Variants in RIN2 observed in about 807,000 individuals in gnomAD.
RIN2 encodes RAB5 interacting protein 2.
A neutral mutation model predicts 78.0 loss-of-function variants in RIN2; 36 were observed. That is an observed-to-expected ratio of 0.46 (90% CI 0.35 to 0.61). RIN2 has a LOEUF of 0.61. Among genes scored for constraint, RIN2 ranks in the 20% least tolerant of loss-of-function variants. The pLI, the probability that RIN2 is intolerant of heterozygous loss-of-function variation, is 0.00. For missense variants in RIN2, 1,087 were observed against 1,159.7 expected, an observed-to-expected ratio of 0.94 and a Z score of 0.91; for synonymous variants, 466 against 466.8, an observed-to-expected ratio of 1.00 and a Z score of 0.02.
chr20:19,934,692 T>C, intron 3 of RIN2: 10 of 791,336 alleles, frequency 1.3e-5, no homozygotes, highest in Non-Finnish European at 1.5e-5. Context: ...TTTCAGTCCT[T>C]CAAAGGGGGT....
At chr20:19,930,769 C>T (rs1426374074) in intron 3 of RIN2, among the ~76,000 whole-genome samples, 3 of 152,174 alleles carry the variant, frequency 2.0e-5, no homozygotes, top group African/African-American at 7.2e-5. Context: ...CCCCTCAACC[C>T]CTTCCTTGCT....
At chr20:19,806,290 C>T (rs191084925) in intron 2 of RIN2, among the ~76,000 whole-genome samples, 122 of 152,258 alleles carry the variant, frequency 8.0e-4, no homozygotes, top group African/African-American at 2.8e-3. Context: ...CTTGAGGAAT[C>T]GCCCCAGTGT....
chr20:19,848,684 G>A (rs2123159274), intron 2 of RIN2, among the ~76,000 whole-genome samples: 1 of 150,938 alleles, frequency 6.6e-6, no homozygotes, highest in South Asian at 2.1e-4. Flanking sequence ...ACAGTACATA[G>A]CAGTTATTTA....
chr20:19,818,822 A>G (rs2035848767), intron 2 of RIN2, among the ~76,000 whole-genome samples: 1 of 152,240 alleles, frequency 6.6e-6, no homozygotes, highest in South Asian at 2.1e-4. Flanking sequence ...AACATTGTTT[A>G]AAATATCAAA....
At chr20:19,862,507 C>T (rs1194706693) in intron 2 of RIN2, among the ~76,000 whole-genome samples, 1 of 152,110 alleles carries the variant, frequency 6.6e-6, no homozygotes, top group Non-Finnish European at 1.5e-5. Flanking sequence ...GCAGGAGAAT[C>T]GCTTAAACTC....
chr20:19,761,700 C>T (rs1349288323), intron 1 of RIN2, among the ~76,000 whole-genome samples: 1 of 152,168 alleles, frequency 6.6e-6, no homozygotes, highest in Non-Finnish European at 1.5e-5. Flanking sequence ...ATAATCCACC[C>T]TTGTCAATTT....
At chr20:19,999,528 T>G (rs1440288253) in intron 12 of RIN2, among the ~76,000 whole-genome samples, 1 of 152,194 alleles carries the variant, frequency 6.6e-6, no homozygotes, top group Admixed American at 6.5e-5. Flanking sequence ...GTTGCCAGAT[T>G]TAGCAGAAAA....
chr20:19,899,027 G>A (rs544476898), intron 3 of RIN2, among the ~76,000 whole-genome samples: 43 of 152,204 alleles, frequency 2.8e-4, no homozygotes, highest in African/African-American at 7.9e-4. Flanking sequence ...GAAAAAACAC[G>A]CCCCACCTTT....
At chr20:19,979,792 C>T (rs554623295) in intron 9 of RIN2, among the ~76,000 whole-genome samples, 1 of 152,098 alleles carries the variant, frequency 6.6e-6, no homozygotes, top group Admixed American at 6.5e-5. Flanking sequence ...CCTGTAATCT[C>T]AGCACTTAAG....
chr20:19,892,827 G>T (rs2038540121), intron 3 of RIN2, among the ~76,000 whole-genome samples: 1 of 152,182 alleles, frequency 6.6e-6, no homozygotes, highest in South Asian at 2.1e-4. Flanking sequence ...TTTGTAACAA[G>T]CTGGAGGGGA....
chr20:19,973,836 AG>A (rs1292031437), intron 8 of RIN2, among the ~76,000 whole-genome samples: 1 of 152,136 alleles, frequency 6.6e-6, no homozygotes, highest in Non-Finnish European at 1.5e-5. Context: ...AAATTATAAC[AG>A]GCACCACTGA....
At chr20:19,960,186 G>T (rs1332203210) in intron 5 of RIN2, among the ~76,000 whole-genome samples, 3 of 152,040 alleles carry the variant, frequency 2.0e-5, no homozygotes, top group Non-Finnish European at 4.4e-5. Context: ...ATTTCAATTT[G>T]AAAACAAAAA....
At chr20:19,936,359 G>A (rs772567223) in intron 4 of RIN2, among the ~76,000 whole-genome samples, 14 of 152,188 alleles carry the variant, frequency 9.2e-5, no homozygotes, top group Non-Finnish European at 1.9e-4. Context: ...TTCAGGTAGT[G>A]ACTCTCTGCC....
intron 2 of RIN2, among the ~76,000 whole-genome samples, chr20:19,865,379 C>A (rs2037471073): frequency 6.6e-6 from 1 of 152,182 alleles, no homozygotes; most frequent in Non-Finnish European, 1.5e-5. Flanking sequence ...CTAAATAAAA[C>A]TGCCCAATAA....
At chr20:19,782,445 G>T (rs905076020) in intron 1 of RIN2, among the ~76,000 whole-genome samples, 1 of 151,740 alleles carries the variant, frequency 6.6e-6, no homozygotes. Flanking sequence ...CACGCCTGTA[G>T]TCCCAGCTAC....
At chr20:19,817,965 T>C (rs911881790) in intron 2 of RIN2, among the ~76,000 whole-genome samples, 1 of 152,220 alleles carries the variant, frequency 6.6e-6, no homozygotes, top group African/African-American at 2.4e-5. Context: ...GGGTACATTC[T>C]GAGAAATGCA....
intron 8 of RIN2, among the ~76,000 whole-genome samples, 186 bp downstream of exon 8, chr20:19,971,115 A>C (rs1343805555): frequency 6.6e-6 from 1 of 151,904 alleles, no homozygotes; most frequent in African/African-American, 2.4e-5. Flanking sequence ...TCCCTTTCTG[A>C]GGCATCTTCC....
chr20:19,919,892 T>G (rs1009966731), intron 3 of RIN2, among the ~76,000 whole-genome samples: 3 of 152,216 alleles, frequency 2.0e-5, no homozygotes, highest in African/African-American at 7.2e-5. Flanking sequence ...ATAAGTACTC[T>G]ATAAACACAT....
At chr20:19,949,008 C>T (rs6035487) in intron 4 of RIN2, among the ~76,000 whole-genome samples, 16,042 of 151,862 alleles carry the variant, frequency 0.11, 928 homozygotes, top group African/African-American at 0.14. Flanking sequence ...GGCTGTACAC[C>T]GTGGCTCACG....
Sources: gnomAD v4.1 joint callset for allele counts (sites outside exome capture counted in the v4.1 genomes callset) on GRCh38, gnomAD v4.1.1 for gene constraint, MANE v1.5 for transcripts, NCBI Gene and HGNC (gene_info 2026-07-23, HGNC 2026-07-21) for gene names.